Variants in GPC5 observed in about 807,000 individuals in gnomAD.
GPC5 encodes the protein glypican 5.
A neutral mutation model predicts 53.9 loss-of-function variants in GPC5; 47 were observed. The observed-to-expected ratio is 0.87, with a 90% CI of 0.69 to 1.11. GPC5 has a LOEUF of 1.11. Among genes scored for constraint, GPC5 ranks in the 50% most tolerant of loss-of-function variants. The probability of loss-of-function intolerance (pLI) is 0.00; values close to 1 mark genes in which losing one functional copy is unlikely to be tolerated. For missense variants in GPC5, 748 were observed against 713.1 expected, an observed-to-expected ratio of 1.05 and a Z score of -0.56; for synonymous variants, 286 against 263.3, an observed-to-expected ratio of 1.09 and a Z score of -0.84.
chr13:92,478,825 G>T (rs1879244075), intron 7 of GPC5, among the ~76,000 whole-genome samples: 1 of 152,064 alleles, frequency 6.6e-6, no homozygotes, highest in Non-Finnish European at 1.5e-5. Flanking sequence ...CAGACAAAAA[G>T]AAATCTTATA....
intron 6 of GPC5, among the ~76,000 whole-genome samples, chr13:91,937,940 G>A (rs1182729011): frequency 1.3e-5 from 2 of 152,096 alleles, no homozygotes; most frequent in Admixed American, 6.5e-5. Context: ...CATCTGATAT[G>A]TAAGTATGTT....
intron 3 of GPC5, among the ~76,000 whole-genome samples, chr13:91,702,996 T>G (rs1246334552): frequency 6.6e-6 from 1 of 152,116 alleles, no homozygotes; most frequent in Non-Finnish European, 1.5e-5. Flanking sequence ...ATTAAGCATT[T>G]AAAAATATAC....
At chr13:92,679,883 C>T (rs1469257217) in intron 7 of GPC5, among the ~76,000 whole-genome samples, 1 of 140,398 alleles carries the variant, frequency 7.1e-6, no homozygotes, top group Non-Finnish European at 1.5e-5. Context: ...CTCTCTCCAC[C>T]CCCCCACCCT....
chr13:92,831,007 C>T (rs1434607822), intron 7 of GPC5, among the ~76,000 whole-genome samples: 1 of 152,082 alleles, frequency 6.6e-6, no homozygotes, highest in Non-Finnish European at 1.5e-5. Flanking sequence ...GGAAAATGTT[C>T]TGAGAACAGT....
chr13:91,653,031 A>G (rs1280473970), intron 2 of GPC5, among the ~76,000 whole-genome samples: 1 of 152,228 alleles, frequency 6.6e-6, no homozygotes, highest in Admixed American at 6.5e-5. Context: ...TATCTGAAGC[A>G]TGAATTTCTA....
rs200017118 is a variant in GPC5, at chr13:92,782,051, AGGGAAGTGAAG to A, written c.1562-84224_1562-84214del. Among the ~76,000 whole-genome samples, 564 of 148,078 alleles carry A rather than the reference AGGGAAGTGAAG, an allele frequency of 3.8e-3. 8 individuals carry two copies. The East Asian group carries it at 0.041, about 11-fold the overall frequency. ...AGTGGAAGGAAAGGAAAGGAAGGGAAGGGAAGTGAAGGGGAAGGGAACGGGAAGGGGAGGGA... is the reference window on the plus strand; with the variant it reads ...AGTGGAAGGAAAGGAAAGGAAGGGAAGGGAAGGGAACGGGAAGGGGAGGGA... On this transcript the variant is annotated intron_variant, in intron 7 of 7. Coordinates refer to ENST00000377067, the MANE Select transcript of GPC5 (RefSeq NM_004466.6).
At chr13:92,033,168 A>T (rs1048800056) in intron 6 of GPC5, among the ~76,000 whole-genome samples, 6 of 151,988 alleles carry the variant, frequency 3.9e-5, no homozygotes, top group Non-Finnish European at 8.8e-5. Context: ...CAACCTCCAA[A>T]GCCTATAACT....
chr13:92,115,620 A>T (rs2041594551), intron 6 of GPC5, among the ~76,000 whole-genome samples: 1 of 152,176 alleles, frequency 6.6e-6, no homozygotes, highest in Non-Finnish European at 1.5e-5. Context: ...CAATTTCTAG[A>T]ATGACCTTCA....
intron 2 of GPC5, among the ~76,000 whole-genome samples, chr13:91,635,177 G>C (rs901404337): frequency 6.6e-6 from 1 of 151,962 alleles, no homozygotes; most frequent in African/African-American, 2.4e-5. Flanking sequence ...TTAATGTTCT[G>C]TTAGGTATTT....
intron 5 of GPC5, among the ~76,000 whole-genome samples, chr13:91,906,161 C>T (rs2039551005): frequency 6.6e-6 from 1 of 152,060 alleles, no homozygotes; most frequent in Non-Finnish European, 1.5e-5. Flanking sequence ...CATTTGTACT[C>T]TCTGCTTTGT....
At chr13:91,935,391 C>A (rs1023311852) in intron 6 of GPC5, among the ~76,000 whole-genome samples, 50 of 152,010 alleles carry the variant, frequency 3.3e-4, no homozygotes, top group African/African-American at 1.2e-3. Flanking sequence ...AATTAGTGCT[C>A]TTATGAAAGA....
At chr13:91,975,852 C>G (rs952158266) in intron 6 of GPC5, among the ~76,000 whole-genome samples, 1 of 152,142 alleles carries the variant, frequency 6.6e-6, no homozygotes, top group Non-Finnish European at 1.5e-5. Flanking sequence ...TTCACACTAG[C>G]AAAGACTTGG....
chr13:92,577,389 G>A (rs553064746), intron 7 of GPC5, among the ~76,000 whole-genome samples: 3 of 149,356 alleles, frequency 2.0e-5, no homozygotes, highest in South Asian at 2.1e-4. Context: ...GATAAACATC[G>A]ACATGAATGA....
intron 7 of GPC5, among the ~76,000 whole-genome samples, chr13:92,503,162 C>T (rs1221204947): frequency 1.3e-5 from 2 of 151,858 alleles, no homozygotes; most frequent in Non-Finnish European, 2.9e-5. Context: ...GAAGTCTTGG[C>T]TTTTAGTGTA....
chr13:91,522,990 T>C (rs1232789019), intron 2 of GPC5, among the ~76,000 whole-genome samples: 2 of 152,206 alleles, frequency 1.3e-5, no homozygotes, highest in East Asian at 3.8e-4. Flanking sequence ...AGCTGCACGC[T>C]CTTTTTCAAA....
At chr13:92,386,878 C>T (rs1307852990) in intron 7 of GPC5, among the ~76,000 whole-genome samples, 2 of 152,068 alleles carry the variant, frequency 1.3e-5, no homozygotes, top group Non-Finnish European at 2.9e-5. Flanking sequence ...AATAGAATCT[C>T]AGGTTATTAG....
At chr13:91,932,980 C>G (rs899545440) in intron 6 of GPC5, among the ~76,000 whole-genome samples, 1 of 151,862 alleles carries the variant, frequency 6.6e-6, no homozygotes, top group African/African-American at 2.4e-5. Flanking sequence ...ATGGGGTTTG[C>G]TTTTTGCTGT....
intron 5 of GPC5, among the ~76,000 whole-genome samples, chr13:91,821,718 A>T (rs191968568): frequency 1.3e-5 from 2 of 152,210 alleles, no homozygotes; most frequent in East Asian, 3.9e-4. Flanking sequence ...TAATCTATTC[A>T]TATGATTATT....
At chr13:91,454,945 T>A (rs1286455200) in intron 2 of GPC5, among the ~76,000 whole-genome samples, 2 of 152,076 alleles carry the variant, frequency 1.3e-5, no homozygotes, top group African/African-American at 4.8e-5. Context: ...ATCATAGAAA[T>A]GACTCTTGAA....
Sources: allele counts gnomAD v4.1 joint callset (sites outside exome capture counted in the v4.1 genomes callset), GRCh38; gene constraint gnomAD v4.1.1; transcripts MANE v1.5; gene names NCBI Gene and HGNC (gene_info 2026-07-23, HGNC 2026-07-21).